Variants in CFAP70 observed in about 807,000 individuals in gnomAD.
CFAP70 encodes cilia and flagella associated protein 70, also known as cilia- and flagella-associated protein 70.
In CFAP70, 81 loss-of-function variants were observed where a neutral mutation model predicts 137.6. That is an observed-to-expected ratio of 0.59 (90% CI 0.49 to 0.71). The LOEUF is 0.71. Ranked by LOEUF, CFAP70 falls within the 30% of genes least tolerant of loss-of-function variation. The probability of loss-of-function intolerance (pLI) is 0.00; values close to 1 mark genes in which losing one functional copy is unlikely to be tolerated. For missense variants in CFAP70, 976 were observed against 1,226.7 expected, an observed-to-expected ratio of 0.80 and a Z score of 3.05; for synonymous variants, 382 against 423.6, an observed-to-expected ratio of 0.90 and a Z score of 1.20.
chr10:73,334,682 C>T (rs1194404717), intron 7 of CFAP70, among the ~76,000 whole-genome samples: 5 of 151,604 alleles, frequency 3.3e-5, no homozygotes, highest in Non-Finnish European at 7.4e-5. Flanking sequence ...TGGGTTCAAG[C>T]GATTCTCCTG....
At chr10:73,291,297 C>G (rs1014959749) in exon 19 of CFAP70, 4 of 1,614,044 alleles carry the variant, frequency 2.5e-6, no homozygotes, top group Non-Finnish European at 3.4e-6. Context: ...ACTAGATTCT[C>G]TCTTCCCTCT....
At chr10:73,335,611 T>A in intron 6 of CFAP70, 87 bp from the exon 8 acceptor site, 1 of 853,576 alleles carries the variant, frequency 1.2e-6, no homozygotes. Context: ...AATGGATTTG[T>A]TCACAATACT....
intron 12 of CFAP70, among the ~76,000 whole-genome samples, chr10:73,307,203 A>T (rs563196322): frequency 2.0e-5 from 3 of 152,260 alleles, no homozygotes; most frequent in African/African-American, 7.2e-5. Flanking sequence ...GACAACAACT[A>T]AAAAAATACA....
At chr10:73,313,106 C>T (rs540739953) in intron 9 of CFAP70, among the ~76,000 whole-genome samples, 4 of 152,218 alleles carry the variant, frequency 2.6e-5, no homozygotes, top group African/African-American at 9.6e-5. Flanking sequence ...GGCGTGGTGG[C>T]TCATGCCTGT....
chr10:73,256,239 G>T, intron 26 of CFAP70, 130 bp downstream of exon 27: 1 of 1,016,076 alleles, frequency 9.8e-7, no homozygotes, highest in Non-Finnish European at 1.5e-6. Flanking sequence ...CACGATAATG[G>T]CAAAGATGGT....
At chr10:73,269,103 A>T (rs1206072987) in intron 25 of CFAP70, among the ~76,000 whole-genome samples, 1 of 152,204 alleles carries the variant, frequency 6.6e-6, no homozygotes, top group Non-Finnish European at 1.5e-5. Context: ...ATTTGGTGTC[A>T]TACTGTCCAG....
exon 3 of CFAP70, chr10:73,353,577 G>A: frequency 6.2e-7 from 1 of 1,614,042 alleles, no homozygotes; most frequent in Non-Finnish European, 8.5e-7. Context: ...TTGTGAGCGA[G>A]GTCATCTGAA....
intron 19 of CFAP70, among the ~76,000 whole-genome samples, chr10:73,284,780 A>C (rs868609154): frequency 0.085 from 5,057 of 59,336 alleles, 985 homozygotes; most frequent in African/African-American, 0.25. Context: ...ATATATATAT[A>C]TATATATATA....
chr10:73,350,316 A>ATAACATACTTACCTATGTGG (rs140293998), intron 3 of CFAP70, among the ~76,000 whole-genome samples: 23,256 of 152,160 alleles, frequency 0.15, 2,893 homozygotes, highest in African/African-American at 0.32. Context: ...ACAGGGTTTG[A>ATAACATACTTACCTATGTGG]TATGTTATCA....
At chr10:73,278,279 C>T in exon 20 of CFAP70, 1 of 1,614,022 alleles carries the variant, frequency 6.2e-7, no homozygotes, top group Non-Finnish European at 8.5e-7. Flanking sequence ...GTGAATCAGA[C>T]TGCAGTTTGG....
At chr10:73,318,368 GA>G (rs1328042217) in intron 9 of CFAP70, among the ~76,000 whole-genome samples, 3 of 151,944 alleles carry the variant, frequency 2.0e-5, no homozygotes, top group Non-Finnish European at 4.4e-5. Context: ...AAATTATTGT[GA>G]AAAAATGTTA....
At chr10:73,287,412 C>T (rs181050810) in intron 19 of CFAP70, among the ~76,000 whole-genome samples, 4 of 152,208 alleles carry the variant, frequency 2.6e-5, no homozygotes, top group African/African-American at 9.6e-5. Flanking sequence ...TTGACTGAAA[C>T]GTTATGTGGT....
intron 12 of CFAP70, among the ~76,000 whole-genome samples, chr10:73,300,509 A>G (rs145281661): frequency 3.3e-5 from 5 of 152,152 alleles, no homozygotes; most frequent in African/African-American, 1.2e-4. Context: ...TCTCCTTCCA[A>G]CCTTATTGCC....
chr10:73,293,473 C>A lies in CFAP70; in HGVS notation c.1645-85G>T, dbSNP rs2048323330. ...CATAAGCATAAATCCGATGTGAGATCCAGTTATGACGTCTAAAATGTTACT... is the reference window on the plus strand; with the variant it reads ...CATAAGCATAAATCCGATGTGAGATACAGTTATGACGTCTAAAATGTTACT... On this transcript the variant is annotated intron_variant, in intron 15 of 26. Coordinates refer to ENST00000310715, the Ensembl canonical transcript of CFAP70. The A allele has an allele frequency of 3.3e-6, 4 of 1,225,986 alleles. No individual in the cohort carries two copies. In the Middle Eastern group the frequency reaches 6.1e-4, roughly 187 times the overall value. 75.9% of individuals were successfully genotyped at this position (1,225,986 alleles called of 1,614,324 possible).
At chr10:73,266,371 TA>T in intron 25 of CFAP70, among the ~76,000 whole-genome samples, 1 of 152,198 alleles carries the variant, frequency 6.6e-6, no homozygotes, top group East Asian at 1.9e-4. Context: ...ACCATTTCAG[TA>T]GTGAACTCTT....
intron 25 of CFAP70, among the ~76,000 whole-genome samples, chr10:73,259,225 G>A (rs544658024): frequency 6.6e-6 from 1 of 151,878 alleles, no homozygotes; most frequent in Non-Finnish European, 1.5e-5. Context: ...TGACACTTAG[G>A]GAAAATAGAA....
intron 19 of CFAP70, among the ~76,000 whole-genome samples, chr10:73,287,793 T>G (rs544218066): frequency 6.6e-6 from 1 of 152,082 alleles, no homozygotes; most frequent in Non-Finnish European, 1.5e-5. Context: ...AGAAGGAAGA[T>G]AGAAGGCTTT....
chr10:73,310,055 C>T, intron 12 of CFAP70, 103 bp downstream of exon 13: 2 of 675,724 alleles, frequency 3.0e-6, no homozygotes, highest in Non-Finnish European at 4.9e-6. Flanking sequence ...AACCAGATAA[C>T]TCCTGCTTAG....
At chr10:73,355,774 T>A (rs1284269869) in intron 1 of CFAP70, among the ~76,000 whole-genome samples, 1 of 152,110 alleles carries the variant, frequency 6.6e-6, no homozygotes, top group African/African-American at 2.4e-5. Flanking sequence ...TGACTCCGTC[T>A]CAAAACAAAA....
Sources: gnomAD v4.1 joint callset for allele counts (sites outside exome capture counted in the v4.1 genomes callset) on GRCh38, gnomAD v4.1.1 for gene constraint, MANE v1.5 for transcripts, NCBI Gene and HGNC (gene_info 2026-07-23, HGNC 2026-07-21) for gene names.